The following CSMD1 variants were observed in gnomAD, a reference collection of about 807,000 sequenced individuals.
CSMD1 encodes the protein CUB and Sushi multiple domains 1, also known as CUB and sushi domain-containing protein 1.
A neutral mutation model predicts 417.5 loss-of-function variants in CSMD1; 213 were observed. The observed-to-expected ratio is 0.51, with a 90% CI of 0.46 to 0.57. CSMD1 has a LOEUF of 0.57. Ranked by LOEUF, CSMD1 falls within the 20% of genes least tolerant of loss-of-function variation. The pLI is 0.00. For missense variants in CSMD1, 6,923 were observed against 4,529.7 expected, an observed-to-expected ratio of 1.53 and a Z score of -15.17; for synonymous variants, 2,862 against 1,736.8, an observed-to-expected ratio of 1.65 and a Z score of -16.11.
chr8:4,527,801 G>C (rs905222899), intron 2 of CSMD1, among the ~76,000 whole-genome samples: 5 of 152,192 alleles, frequency 3.3e-5, no homozygotes, highest in African/African-American at 9.6e-5. Context: ...ATCCTGGAAA[G>C]TCTAATGCAG....
At chr8:4,943,927 A>G (rs1285162313) in intron 1 of CSMD1, among the ~76,000 whole-genome samples, 1 of 152,226 alleles carries the variant, frequency 6.6e-6, no homozygotes, top group Non-Finnish European at 1.5e-5. Flanking sequence ...GCCGAGCTGG[A>G]TATTGATTAT....
At chr8:3,683,206 A>C (rs1038271511) in intron 7 of CSMD1, among the ~76,000 whole-genome samples, 4 of 151,646 alleles carry the variant, frequency 2.6e-5, no homozygotes, top group Non-Finnish European at 5.9e-5. Flanking sequence ...ATATACATAT[A>C]AATATATAAA....
At chr8:4,613,670 T>C (rs747419090) in intron 2 of CSMD1, among the ~76,000 whole-genome samples, 1 of 152,104 alleles carries the variant, frequency 6.6e-6, no homozygotes. Context: ...ATGCAAAAAA[T>C]GTCAATTTTC....
chr8:3,750,640 C>T (rs565186757), intron 6 of CSMD1, among the ~76,000 whole-genome samples: 57 of 152,242 alleles, frequency 3.7e-4, no homozygotes, highest in African/African-American at 1.3e-3. Flanking sequence ...AGGGAAGATT[C>T]AGCTGAACAA....
chr8:4,990,283 A>T (rs1811392721), intron 1 of CSMD1, among the ~76,000 whole-genome samples: 1 of 152,230 alleles, frequency 6.6e-6, no homozygotes, highest in Non-Finnish European at 1.5e-5. Context: ...CATAGTAATT[A>T]GTAATAATAT....
intron 25 of CSMD1, among the ~76,000 whole-genome samples, chr8:3,298,534 A>G (rs890185571): frequency 6.6e-6 from 1 of 152,146 alleles, no homozygotes; most frequent in African/African-American, 2.4e-5. Context: ...GCTCACTGCA[A>G]CCTCTGCCTC....
chr8:4,109,568 C>G (rs1205310299), intron 3 of CSMD1, among the ~76,000 whole-genome samples: 2 of 152,108 alleles, frequency 1.3e-5, no homozygotes, highest in Non-Finnish European at 2.9e-5. Context: ...ATTTCCCAGT[C>G]AATGTCTGGA....
chr8:4,753,234 G>A (rs1457236862), intron 1 of CSMD1, among the ~76,000 whole-genome samples: 1 of 151,824 alleles, frequency 6.6e-6, no homozygotes, highest in African/African-American at 2.4e-5. Flanking sequence ...GCTTTTTTCT[G>A]CTGTTCTGGG....
intron 1 of CSMD1, among the ~76,000 whole-genome samples, chr8:4,791,860 A>T (rs1253774392): frequency 6.6e-6 from 1 of 152,226 alleles, no homozygotes; most frequent in East Asian, 1.9e-4. Context: ...TTTTCAAAAA[A>T]AAATTTTTTT....
At chr8:3,771,948 G>A (rs1197926529) in intron 5 of CSMD1, among the ~76,000 whole-genome samples, 2 of 152,016 alleles carry the variant, frequency 1.3e-5, no homozygotes, top group African/African-American at 2.4e-5. Context: ...GCCGTGTAAT[G>A]TCTACTGGCA....
chr8:4,869,273 T>G (rs1008443732), intron 1 of CSMD1, among the ~76,000 whole-genome samples: 2 of 152,126 alleles, frequency 1.3e-5, no homozygotes, highest in African/African-American at 4.8e-5. Context: ...TTTAACATAG[T>G]GCTAATTCCA....
At chr8:3,414,246 A>C (rs1812992383) in intron 12 of CSMD1, among the ~76,000 whole-genome samples, 1 of 127,342 alleles carries the variant, frequency 7.9e-6, no homozygotes, top group African/African-American at 2.8e-5. Context: ...AAAATGCTGT[A>C]CAAACTATCT....
At chr8:4,678,625 TA>T (rs1372699318) in intron 1 of CSMD1, among the ~76,000 whole-genome samples, 1 of 152,142 alleles carries the variant, frequency 6.6e-6, no homozygotes, top group African/African-American at 2.4e-5. Context: ...ACATTACTAC[TA>T]AAAACATGTG....
chr8:4,209,059 T>C (rs1252294685), intron 3 of CSMD1, among the ~76,000 whole-genome samples: 4 of 152,214 alleles, frequency 2.6e-5, no homozygotes, highest in Non-Finnish European at 4.4e-5. Context: ...TTCTTGCTTC[T>C]TGAATTTTTC....
At chr8:3,924,037 C>G (rs149645497) in intron 5 of CSMD1, among the ~76,000 whole-genome samples, 2 of 152,150 alleles carry the variant, frequency 1.3e-5, no homozygotes, top group African/African-American at 4.8e-5. Context: ...CCTTTCATTT[C>G]AATTTGAAGG....
chr8:4,446,098 G>A (rs541190405), intron 2 of CSMD1, among the ~76,000 whole-genome samples: 40 of 152,314 alleles, frequency 2.6e-4, no homozygotes, highest in Non-Finnish European at 5.1e-4. Flanking sequence ...GTTCACTGTA[G>A]ACAGCAAGTT....
At chr8:3,461,926 G>A (rs1208680633) in intron 12 of CSMD1, among the ~76,000 whole-genome samples, 3 of 152,238 alleles carry the variant, frequency 2.0e-5, no homozygotes, top group African/African-American at 7.2e-5. Context: ...TGAGAGGCCA[G>A]CTAAGGAGGC....
intron 36 of CSMD1, among the ~76,000 whole-genome samples, chr8:3,182,578 CTGTGTGTGTGTGTGTG>C (rs35090952): frequency 0.011 from 1,017 of 94,138 alleles, 33 homozygotes; most frequent in African/African-American, 0.039. Context: ...TTATAAGAAG[CTGTGTGTGTGTGTGTG>C]TGTGTGTGTG....
intron 1 of CSMD1, among the ~76,000 whole-genome samples, chr8:4,857,123 C>T (rs942332279): frequency 8.6e-5 from 13 of 151,080 alleles, no homozygotes; most frequent in Middle Eastern, 3.4e-3. Context: ...CACTCACAAC[C>T]GCTCAACTAC....
Sources: allele counts gnomAD v4.1 joint callset (sites outside exome capture counted in the v4.1 genomes callset), GRCh38; gene constraint gnomAD v4.1.1; transcripts MANE v1.5; gene names NCBI Gene and HGNC (gene_info 2026-07-23, HGNC 2026-07-21).